The following NKAIN2 variants were observed in gnomAD, a reference collection of about 807,000 sequenced individuals.
NKAIN2 encodes sodium/potassium-transporting ATPase subunit beta-1-interacting protein 2.
In NKAIN2, 14 loss-of-function variants were observed where a neutral mutation model predicts 32.6. That is an observed-to-expected ratio of 0.43 (90% confidence interval 0.28 to 0.67). The LOEUF is 0.67. NKAIN2 is among the 30% of genes least tolerant of loss of function. NKAIN2 has a pLI of 0.17. For synonymous variants in NKAIN2, 80 were observed against 87.2 expected (o/e 0.92, Z 0.46); for missense variants, 198 against 258.3 (o/e 0.77, Z 1.60).
At chr6:124,422,557 T>A (rs2114537599) in intron 3 of NKAIN2, among the ~76,000 whole-genome samples, 1 of 152,328 alleles carries the variant, frequency 6.6e-6, no homozygotes, top group Non-Finnish European at 1.5e-5. Flanking sequence ...ACAAGTGAGA[T>A]TACCACACTC....
intron 3 of NKAIN2, among the ~76,000 whole-genome samples, chr6:124,435,797 T>G (rs1214570872): frequency 6.6e-6 from 1 of 152,190 alleles, no homozygotes; most frequent in Non-Finnish European, 1.5e-5. Flanking sequence ...TTCTTAGGCT[T>G]ACCTAATCCT....
intron 1 of NKAIN2, among the ~76,000 whole-genome samples, chr6:124,105,904 A>AATT (rs1785097068): frequency 2.0e-5 from 3 of 152,162 alleles, no homozygotes; most frequent in Non-Finnish European, 4.4e-5. Context: ...TATCTCACTG[A>AATT]ATTATCTCTG....
chr6:124,807,756 AAG>A (rs1314648214), intron 5 of NKAIN2, among the ~76,000 whole-genome samples: 1 of 151,898 alleles, frequency 6.6e-6, no homozygotes, highest in Non-Finnish European at 1.5e-5. Context: ...TAAAGAAAAA[AAG>A]AGAGAAGAAT....
chr6:124,075,318 A>G (rs1282880978), intron 1 of NKAIN2, among the ~76,000 whole-genome samples: 1 of 152,150 alleles, frequency 6.6e-6, no homozygotes, highest in African/African-American at 2.4e-5. Flanking sequence ...TAAAAAGACA[A>G]CTGCTTCTTA....
chr6:123,924,001 C>T (rs1046456826), intron 1 of NKAIN2, among the ~76,000 whole-genome samples: 12 of 151,224 alleles, frequency 7.9e-5, no homozygotes, highest in African/African-American at 2.9e-4. Flanking sequence ...AAGCAGGTAA[C>T]ATGTTGAATT....
chr6:124,502,177 T>G (rs188657610), intron 3 of NKAIN2, among the ~76,000 whole-genome samples: 21 of 152,198 alleles, frequency 1.4e-4, no homozygotes, highest in Admixed American at 1.1e-3. Context: ...TAACAATGTA[T>G]AGTCACATAC....
rs531759604 is a variant in NKAIN2 at position 124,697,132 on chromosome 6, A to T, written c.474+38746A>T. Among the ~76,000 whole-genome samples the T allele has an allele frequency of 2.2e-4, 33 of 152,290 alleles. No homozygotes were observed. In the South Asian group the frequency reaches 6.8e-3, roughly 32 times the overall value. ...TTTTTAAAAATTAAAGTGCAGTATA[A>T]TCATTAAGGGTCTAAGAGTCAGAAC... On this transcript the variant is annotated intron_variant, in intron 4 of 6. Transcript: ENST00000368417.
chr6:123,996,145 T>A (rs769219415), intron 1 of NKAIN2, among the ~76,000 whole-genome samples: 1 of 152,144 alleles, frequency 6.6e-6, no homozygotes, highest in Non-Finnish European at 1.5e-5. Flanking sequence ...AGATGCTTTT[T>A]ATTAAAAAGT....
chr6:124,012,770 T>A (rs2114739285), intron 1 of NKAIN2, among the ~76,000 whole-genome samples: 1 of 152,336 alleles, frequency 6.6e-6, no homozygotes, highest in African/African-American at 2.4e-5. Context: ...TGGAGATGTT[T>A]TTACAAAATT....
chr6:124,726,958 C>T (rs1295874932), intron 4 of NKAIN2, among the ~76,000 whole-genome samples: 18 of 139,108 alleles, frequency 1.3e-4, no homozygotes, highest in African/African-American at 3.8e-4. Context: ...AGGGTATCAG[C>T]GATGGAAGAT....
At chr6:124,653,711 AAAGAC>A (rs1265973173) in intron 3 of NKAIN2, among the ~76,000 whole-genome samples, 2 of 152,176 alleles carry the variant, frequency 1.3e-5, no homozygotes, top group African/African-American at 4.8e-5. Context: ...AAAAGAATGA[AAAGAC>A]AAGCCATAGA....
intron 3 of NKAIN2, among the ~76,000 whole-genome samples, chr6:124,461,035 G>A (rs1358784011): frequency 6.6e-6 from 1 of 151,558 alleles, no homozygotes; most frequent in African/African-American, 2.4e-5. Flanking sequence ...GGTATTGGTA[G>A]CAAAAGAGAG....
chr6:124,397,196 T>C (rs1214703435), intron 3 of NKAIN2, among the ~76,000 whole-genome samples: 2 of 152,044 alleles, frequency 1.3e-5, no homozygotes, highest in East Asian at 1.9e-4. Context: ...TATAGTGTAG[T>C]GTTCCTGCTT....
intron 2 of NKAIN2, among the ~76,000 whole-genome samples, chr6:124,344,392 G>A (rs1253474728): frequency 6.6e-6 from 1 of 151,740 alleles, no homozygotes. Context: ...GCTTGATGGG[G>A]ATGGCATTGA....
chr6:124,807,185 C>T (rs1266852499), intron 5 of NKAIN2, among the ~76,000 whole-genome samples: 1 of 152,156 alleles, frequency 6.6e-6, no homozygotes, highest in Non-Finnish European at 1.5e-5. Context: ...ACAGAATATA[C>T]ATTTTTTTCA....
chr6:123,925,381 A>G (rs770555733), intron 1 of NKAIN2, among the ~76,000 whole-genome samples: 2 of 152,238 alleles, frequency 1.3e-5, no homozygotes, highest in Non-Finnish European at 2.9e-5. Context: ...TCCAAGGGCT[A>G]TAAAACAAAG....
At chr6:123,942,287 T>C (rs562416380) in intron 1 of NKAIN2, among the ~76,000 whole-genome samples, 4 of 152,086 alleles carry the variant, frequency 2.6e-5, no homozygotes, top group South Asian at 2.1e-4. Flanking sequence ...CTAATACTAA[T>C]AGAATAATAC....
At chr6:124,307,692 T>A (rs1324678930) in intron 2 of NKAIN2, among the ~76,000 whole-genome samples, 1 of 152,204 alleles carries the variant, frequency 6.6e-6, no homozygotes, top group East Asian at 1.9e-4. Context: ...CTTAAAGCAA[T>A]GTAAATTACT....
chr6:124,535,566 C>T (rs1779682318), intron 3 of NKAIN2, among the ~76,000 whole-genome samples: 1 of 152,184 alleles, frequency 6.6e-6, no homozygotes, highest in African/African-American at 2.4e-5. Context: ...AATTACAGTG[C>T]ATGAATTGCC....
Sources: allele counts gnomAD v4.1 joint callset (sites outside exome capture counted in the v4.1 genomes callset), GRCh38; gene constraint gnomAD v4.1.1; transcripts MANE v1.5; gene names NCBI Gene and HGNC (gene_info 2026-07-23, HGNC 2026-07-21).